The following RABGAP1 variants were observed in gnomAD, a reference collection of about 807,000 sequenced individuals.
RABGAP1 encodes the protein RAB GTPase activating protein 1.
Under a neutral mutation model 137.6 loss-of-function variants are expected in RABGAP1, and 23 were observed. That is an observed-to-expected ratio of 0.17 (90% confidence interval 0.12 to 0.24). The LOEUF is 0.24. Among genes scored for constraint, RABGAP1 ranks in the 10% least tolerant of loss-of-function variants. The probability of loss-of-function intolerance (pLI) is 1.00; values close to 1 mark genes in which losing one functional copy is unlikely to be tolerated. For synonymous variants in RABGAP1, 451 were observed against 450.7 expected (o/e 1.00, Z -0.01); for missense variants, 906 against 1,275.8 (o/e 0.71, Z 4.42).
intron 2 of RABGAP1, among the ~76,000 whole-genome samples, chr9:122,966,612 T>C (rs1835165610): frequency 1.3e-5 from 2 of 150,366 alleles, no homozygotes; most frequent in South Asian, 4.2e-4. Context: ...GTGATAACAG[T>C]TGGTTCTTAG....
intron 13 of RABGAP1, among the ~76,000 whole-genome samples, chr9:123,052,372 G>A (rs1208873769): frequency 6.6e-6 from 1 of 152,128 alleles, no homozygotes. Context: ...ATTATTTTTA[G>A]GTCTGTGAAA....
At chr9:123,014,658 A>ATTT (rs10560935) in intron 11 of RABGAP1, among the ~76,000 whole-genome samples, 1 of 107,266 alleles carries the variant, frequency 9.3e-6, no homozygotes, top group African/African-American at 3.7e-5. Context: ...AAGAGGTTTA[A>ATTT]TTTTTTTTTT....
At chr9:122,972,366 T>C (rs952957010) in intron 2 of RABGAP1, among the ~76,000 whole-genome samples, 1 of 152,220 alleles carries the variant, frequency 6.6e-6, no homozygotes, top group African/African-American at 2.4e-5. Context: ...GACTGGTTGG[T>C]TTTTGCCAAT....
chr9:123,029,861 A>G (rs1564145142), intron 13 of RABGAP1: 1 of 325,496 alleles, frequency 3.1e-6, no homozygotes, highest in South Asian at 3.2e-5. Context: ...ACTAATGCCC[A>G]GAGGTGAAGC....
At position 123,010,392 on chromosome 9, in the gene RABGAP1, A is replaced by C; in HGVS notation, c.1413A>C (p.Leu471Phe). ...AGAGAAAGAATAATACTGACACTTT[A>C]TATGAAGTTGTATGCTTGGAAAGTG... ...QRERKNNTDT[L>F]YEVVCLESES... The change falls in exon 11 of 26, where the codon TTA becomes TTC. Residue 471 changes from leucine (L) to phenylalanine (F), a missense_variant. By Grantham distance (22) the Leu-to-Phe change is conservative. Coordinates refer to ENST00000373647, the MANE Select transcript of RABGAP1 (RefSeq NM_012197.4). 6.2e-7 allele frequency: 1 copy of C among 1,613,466 alleles called. No homozygotes were observed. The highest frequency in any genetic ancestry group is 1.3e-5 in the African/African-American group (1 of 75,038).
intron 11 of RABGAP1, among the ~76,000 whole-genome samples, chr9:123,011,824 G>A (rs577569619): frequency 2.7e-4 from 41 of 152,182 alleles, no homozygotes; most frequent in African/African-American, 7.2e-4. Context: ...GTGTGATGGC[G>A]CATGCCTGTA....
Position 123,020,418 on chromosome 9 carries a change from A to G in RABGAP1, c.1753A>G (p.Asn585Asp), listed in dbSNP as rs1479561482. 6.2e-7 allele frequency: 1 copy of G among 1,606,662 alleles called. No individual in the cohort carries two copies. Among genetic ancestry groups the G allele is most frequent in the Non-Finnish European group, 8.5e-7 (1 of 1,176,326 alleles). Residue 585 changes from asparagine to aspartate, a missense_variant, in exon 13 of 26, where the codon AAT (asparagine) becomes GAT (aspartate). By Grantham distance (23) the Asn-to-Asp change is conservative (BLOSUM62 1). This residue lies in a region of RABGAP1 where 212 missense variants were observed against 289.4 expected (regional missense o/e 0.73). Coordinates refer to ENST00000373647, the MANE Select transcript of RABGAP1 (RefSeq NM_012197.4). ...GCAGCTGCTAGCAGGCTGTCATAACAATGACCACCTGGTAGAGAAATACCG... is the reference window on the plus strand; with the variant it reads ...GCAGCTGCTAGCAGGCTGTCATAACGATGACCACCTGGTAGAGAAATACCG... ...VWQLLAGCHN[N>D]DHLVEKYRIL... is the part of the protein sequence containing the mutation.
At chr9:123,035,729 A>T in intron 13 of RABGAP1, 3 of 690,172 alleles carry the variant, frequency 4.3e-6, no homozygotes, top group Admixed American at 2.8e-5. Flanking sequence ...TCTGGGACAG[A>T]ATACTTTGAC....
chr9:122,944,229 C>CT (rs111695965), intron 1 of RABGAP1, among the ~76,000 whole-genome samples: 1,493 of 144,972 alleles, frequency 0.01, 9 homozygotes, highest in South Asian at 0.021. Flanking sequence ...ATACAACACA[C>CT]TTTTTTTTTT....
At chr9:123,044,068 T>A (rs1209467009) in intron 13 of RABGAP1, among the ~76,000 whole-genome samples, 1 of 150,466 alleles carries the variant, frequency 6.6e-6, no homozygotes, top group African/African-American at 2.4e-5. Context: ...GCATGGCTAG[T>A]TTTTTTTTGT....
rs1017113198 is a variant in RABGAP1, at chr9:122,986,262, G to A, written c.433G>A (p.Val145Ile). The change falls in exon 4 of 26, where the codon GTA (valine) becomes ATA (isoleucine). Residue 145 changes from valine (V) to isoleucine (I), a missense_variant. Around this residue, in one of 9 missense-constraint regions of RABGAP1, gnomAD observed 331 missense variants for 358.3 expected, o/e 0.92. Coordinates refer to ENST00000373647, the MANE Select transcript of RABGAP1 (RefSeq NM_012197.4). ...PFTPVADEDS[V>I]VFSKLTYLGC... is the part of the protein sequence containing the mutation. Reference sequence around the variant, plus strand: ...CACACCAGTGGCCGATGAGGACAGCGTAGTTTTCAGTAAACTGACTTACTT... The same window carrying A: ...CACACCAGTGGCCGATGAGGACAGCATAGTTTTCAGTAAACTGACTTACTT... 7 of 1,614,030 alleles carry A rather than the reference G, an allele frequency of 4.3e-6. No individual in the cohort carries two copies. The highest frequency in any genetic ancestry group is 4.0e-5 in the African/African-American group (3 of 74,932).
chr9:122,981,812 G>A (rs1836073597), intron 2 of RABGAP1, among the ~76,000 whole-genome samples: 1 of 152,184 alleles, frequency 6.6e-6, no homozygotes, highest in Non-Finnish European at 1.5e-5. Flanking sequence ...ACTTTGGGAG[G>A]CCAAGGTGGG....
chr9:122,974,218 G>A (rs1203749164), intron 2 of RABGAP1, among the ~76,000 whole-genome samples: 1 of 152,018 alleles, frequency 6.6e-6, no homozygotes, highest in African/African-American at 2.4e-5. Flanking sequence ...GAATGTAATT[G>A]TTGCCTAAAG....
chr9:122,968,257 C>G (rs10985843), intron 2 of RABGAP1, among the ~76,000 whole-genome samples: 7 of 126,416 alleles, frequency 5.5e-5, no homozygotes, highest in African/African-American at 1.8e-4. Flanking sequence ...GAGTCTGGCT[C>G]TGTTGCCCAG....
chr9:123,064,480 C>G (rs1315994489), intron 13 of RABGAP1, among the ~76,000 whole-genome samples: 4 of 152,144 alleles, frequency 2.6e-5, no homozygotes, highest in Non-Finnish European at 2.9e-5. Flanking sequence ...ACATCACTTG[C>G]ATTTTTCATC....
At chr9:122,950,035 A>G (rs931243483) in intron 1 of RABGAP1, among the ~76,000 whole-genome samples, 13 of 152,226 alleles carry the variant, frequency 8.5e-5, no homozygotes, top group Non-Finnish European at 1.9e-4. Context: ...ATTTTGAAGA[A>G]CTAAATAATA....
At chr9:123,067,142 G>A (rs1367398802) in intron 14 of RABGAP1, among the ~76,000 whole-genome samples, 2 of 152,184 alleles carry the variant, frequency 1.3e-5, no homozygotes, top group Non-Finnish European at 2.9e-5. Flanking sequence ...ATTACATTAA[G>A]TTGTTGTCTC....
At chr9:122,984,744 T>C in intron 3 of RABGAP1, 25 bp downstream of exon 3, 1 of 1,595,310 alleles carries the variant, frequency 6.3e-7, no homozygotes, top group Non-Finnish European at 8.6e-7. Flanking sequence ...ATTGCTTGCG[T>C]AACTGAAGGT....
At chr9:123,009,121 TTGGAACACAGCCAAACTCAC>T (rs760797435) in intron 10 of RABGAP1, among the ~76,000 whole-genome samples, 73 of 152,316 alleles carry the variant, frequency 4.8e-4, no homozygotes, top group Non-Finnish European at 9.3e-4. Context: ...TAAAGTTCTA[TTGGAACACAGCCAAACTCAC>T]TCATTTATTG....
Sources: allele counts gnomAD v4.1 joint callset (sites outside exome capture counted in the v4.1 genomes callset), GRCh38; gene constraint gnomAD v4.1.1; regional missense constraint gnomAD v4.1.1; transcripts MANE v1.5; gene names NCBI Gene and HGNC (gene_info 2026-07-23, HGNC 2026-07-21).